AGAP1: variants seen among roughly 807,000 people sequenced by gnomAD.
AGAP1 encodes arf-GAP with GTPase, ANK repeat and PH domain-containing protein 1.
Under a neutral mutation model 105.3 loss-of-function variants are expected in AGAP1, and 29 were observed. The ratio of observed to expected loss-of-function variants is 0.28; its 90% confidence interval spans 0.21 to 0.38. The LOEUF is 0.38. Ranked by LOEUF, AGAP1 falls within the 10% of genes least tolerant of loss-of-function variation. The probability of loss-of-function intolerance (pLI) is 1.00; values close to 1 mark genes in which losing one functional copy is unlikely to be tolerated. For missense variants in AGAP1, 998 were observed against 1,165.1 expected (o/e 0.86, Z 2.09); for synonymous variants, 509 against 485.9 (o/e 1.05, Z -0.63).
intron 5 of AGAP1, among the ~76,000 whole-genome samples, chr2:235,749,858 GT>G (rs1953285874): frequency 6.6e-6 from 1 of 152,170 alleles, no homozygotes; most frequent in Non-Finnish European, 1.5e-5. Flanking sequence ...GATTGTGTCT[GT>G]TTCAACAATT....
chr2:235,816,645 C>T (rs1668060782), intron 9 of AGAP1, among the ~76,000 whole-genome samples: 1 of 152,078 alleles, frequency 6.6e-6, no homozygotes, highest in Non-Finnish European at 1.5e-5. Context: ...CATGTCAGCA[C>T]TTTGGGAGAC....
intron 1 of AGAP1, among the ~76,000 whole-genome samples, chr2:235,501,832 C>G (rs1373652531): frequency 6.6e-6 from 1 of 152,148 alleles, no homozygotes; most frequent in Non-Finnish European, 1.5e-5. Context: ...GTGATTGAGT[C>G]TGGCAAAGCG....
At chr2:235,985,901 G>A (rs1323014348) in intron 13 of AGAP1, among the ~76,000 whole-genome samples, 1 of 152,174 alleles carries the variant, frequency 6.6e-6, no homozygotes, top group African/African-American at 2.4e-5. Context: ...GTCATGTAGT[G>A]TGATGCCTCC....
chr2:235,760,911 C>G (rs1362844056), intron 6 of AGAP1, among the ~76,000 whole-genome samples: 1 of 152,220 alleles, frequency 6.6e-6, no homozygotes, highest in African/African-American at 2.4e-5. Flanking sequence ...AAAGGATTCT[C>G]TCTCAGTCTA....
intron 11 of AGAP1, among the ~76,000 whole-genome samples, chr2:235,918,302 C>T (rs1231929638): frequency 2.6e-5 from 4 of 152,218 alleles, no homozygotes; most frequent in Non-Finnish European, 5.9e-5. Flanking sequence ...TGAAATAAAA[C>T]CTCAATATCA....
rs374990579 is a variant in AGAP1, at chr2:235,668,967, G to A, written c.164-40212G>A. ...GCAGTATTCTCCTGTCTGTTGTCAT[G>A]GGGAGCAAGTGCTTACCTGTAAGGA... On this transcript the variant is annotated intron_variant, in intron 1 of 17. Transcript: ENST00000304032. Among the ~76,000 whole-genome samples, 9 of 152,174 alleles carry A rather than the reference G, an allele frequency of 5.9e-5. 1 individual carries two copies. Among genetic ancestry groups the A allele is most frequent in the African/African-American group, 2.2e-4 (9 of 41,520 alleles).
At chr2:235,669,202 T>G (rs1205981933) in intron 1 of AGAP1, among the ~76,000 whole-genome samples, 1 of 152,192 alleles carries the variant, frequency 6.6e-6, no homozygotes, top group Non-Finnish European at 1.5e-5. Flanking sequence ...GTCACATCTC[T>G]TTGTTCTTGT....
rs34157824 is a variant in AGAP1, at chr2:236,111,495, T to TA, written c.2115-8686dup. 3.5e-3 allele frequency among the ~76,000 whole-genome samples: 449 copies of TA among 128,586 alleles called. 2 individuals carry two copies. The highest frequency in any genetic ancestry group is 1.0e-2 in the African/African-American group (389 of 39,066). 84.4% of individuals were successfully genotyped at this position (128,586 alleles called of 152,430 possible). A position where few individuals can be genotyped will look rare whatever the true frequency, so the allele number is the denominator to read the frequency against. On this transcript the variant is annotated intron_variant, in intron 16 of 17. Transcript: ENST00000304032. ...TGGGCAGTATAGCAAGACCCTGTCT[T>TA]AAAAAAAAAAAGAGAGAGAAGAAGA...
Position 235,631,933 on chromosome 2 carries a change from A to G in AGAP1, c.164-77246A>G, listed in dbSNP as rs1000354361. On this transcript the variant is annotated intron_variant, in intron 1 of 17. Coordinates refer to ENST00000304032, the MANE Select transcript of AGAP1 (RefSeq NM_001037131.3). The surrounding 1 kb of genome is among the most constrained non-coding windows in gnomAD (Gnocchi z 5.4). Reference sequence around the variant, plus strand: ...TCTGCTTTTTCCATCTGTTACCTGCATGCATATATGATGGCTGGCCACCAT... The same window carrying G: ...TCTGCTTTTTCCATCTGTTACCTGCGTGCATATATGATGGCTGGCCACCAT... Among the ~76,000 whole-genome samples the G allele has an allele frequency of 6.6e-6, 1 of 152,182 alleles. No individual in the cohort carries two copies. The highest frequency in any genetic ancestry group is 1.5e-5 in the Non-Finnish European group (1 of 68,042).
rs560852601 is a variant in AGAP1, at chr2:235,591,396, C to T, written c.163+96547C>T. The stretch of plus-strand genomic sequence containing the variant: ...GTGGAGTGGGAAGCAATGTGCTGCC[C>T]GGGTCTTGGTGTGAAACGCAGTGGC... On this transcript the variant is annotated intron_variant, in intron 1 of 17. Transcript: ENST00000304032. 1.4e-3 allele frequency among the ~76,000 whole-genome samples: 208 copies of T among 152,194 alleles called. 1 individual carries two copies. Among genetic ancestry groups the T allele is most frequent in the Non-Finnish European group, 1.4e-3 (98 of 68,002 alleles).
At chr2:236,015,602 T>C (rs1362018855) in intron 13 of AGAP1, among the ~76,000 whole-genome samples, 1 of 152,112 alleles carries the variant, frequency 6.6e-6, no homozygotes, top group Non-Finnish European at 1.5e-5. Context: ...ATTACTTTGA[T>C]GCCAGGCAAG....
rs1233639504 is a variant in AGAP1, at chr2:236,044,825, T to A, written c.1891+3984T>A. ...CTGCTGTTCTGCCCTGGGGGCTTCCTGGCTCTGGTGTATCCTAGAATTTTC... is the reference window on the plus strand; with the variant it reads ...CTGCTGTTCTGCCCTGGGGGCTTCCAGGCTCTGGTGTATCCTAGAATTTTC... On this transcript the variant is annotated intron_variant, in intron 15 of 17. Transcript: ENST00000304032. The surrounding 1 kb of genome is among the most constrained non-coding windows in gnomAD (Gnocchi z 5.7). Among the ~76,000 whole-genome samples the A allele has an allele frequency of 6.6e-6, 1 of 151,724 alleles. No individual in the cohort carries two copies. Among genetic ancestry groups the A allele is most frequent in the East Asian group, 1.9e-4 (1 of 5,160 alleles).
At chr2:235,763,057 T>TGTGTGTGCGCGCGC (rs953192018) in intron 6 of AGAP1, among the ~76,000 whole-genome samples, 5 of 107,012 alleles carry the variant, frequency 4.7e-5, no homozygotes, top group South Asian at 5.0e-4. Flanking sequence ...TGTGTATGTG[T>TGTGTGTGCGCGCGC]GCGCGCGCGC....
In AGAP1 at chr2:236,090,391, C is replaced by T. The variant is rs558335675; in HGVS notation, c.2115-29801C>T. On this transcript the variant is annotated intron_variant, in intron 16 of 17. Transcript: ENST00000304032. This position sits in a 1 kb window ranked among gnomAD's most constrained non-coding sequence, Gnocchi z 4.3. ...GTTTTTGAGACGCACACTCAAGAGT[C>T]ACAAATTAGAAAATAATATTCACAT... is the stretch of plus-strand genomic sequence containing the variant. Among the ~76,000 whole-genome samples the T allele has an allele frequency of 6.6e-6, 1 of 152,308 alleles. No individual in the cohort carries two copies. Among genetic ancestry groups the T allele is most frequent in the South Asian group, 2.1e-4 (1 of 4,830 alleles).
chr2:235,990,463 C>G (rs577277595), intron 13 of AGAP1, among the ~76,000 whole-genome samples: 5 of 152,220 alleles, frequency 3.3e-5, no homozygotes, highest in Non-Finnish European at 7.3e-5. Context: ...ATCCCAGTCA[C>G]TCGTGTGTTT....
rs1383024467 is a variant in AGAP1, at chr2:235,582,568, T to A, written c.163+87719T>A. ...GCCTTGAGATTAAAGGGATGCCACA[T>A]TTTGAGCTTCTCAGATATAAAAGAA... On this transcript the variant is annotated intron_variant, in intron 1 of 17. Coordinates refer to ENST00000304032, the MANE Select transcript of AGAP1 (RefSeq NM_001037131.3). The surrounding 1 kb of genome is among the most constrained non-coding windows in gnomAD (Gnocchi z 4.7). Among the ~76,000 whole-genome samples, 2 of 152,194 alleles carry A rather than the reference T, an allele frequency of 1.3e-5. No individual in the cohort carries two copies. Among genetic ancestry groups the A allele is most frequent in the Admixed American group, 1.3e-4 (2 of 15,272 alleles).
In AGAP1 at chr2:235,517,932, CAAAAAAA is replaced by C. The variant is rs765981730; in HGVS notation, c.163+23092_163+23098del. Among the ~76,000 whole-genome samples the C allele has an allele frequency of 4.7e-5, 1 of 21,450 alleles. No homozygotes were observed. The highest frequency in any genetic ancestry group is 8.7e-5 in the Non-Finnish European group (1 of 11,526). 14.1% of individuals were successfully genotyped at this position (21,450 alleles called of 152,430 possible). On this transcript the variant is annotated intron_variant, in intron 1 of 17. Coordinates refer to ENST00000304032, the MANE Select transcript of AGAP1 (RefSeq NM_001037131.3). This position sits in a 1 kb window ranked among gnomAD's most constrained non-coding sequence, Gnocchi z 4.1. ...TGGGTGACAGAGTGAGACTCCGTTT[CAAAAAAA>C]AAAAAAAAGAAAAAAAAAAGGTAGA...
At chr2:235,646,776 T>C (rs1406860086) in intron 1 of AGAP1, among the ~76,000 whole-genome samples, 2 of 152,206 alleles carry the variant, frequency 1.3e-5, no homozygotes, top group Non-Finnish European at 2.9e-5. Flanking sequence ...GGCTGAGGCC[T>C]TCTGTACAAC....
At position 235,494,667 on chromosome 2, in the gene AGAP1, C is replaced by CGGGG; in HGVS notation, c.-20_-19insGGGG. ...CGGCGGCGGCGGGGGGCGCGCGGCT[C>CGGGG]CGGGCGCGGCGCCTGCACCATGAAC... is the stretch of plus-strand genomic sequence containing the variant. On this transcript the variant is annotated 5_prime_UTR_variant, in exon 1 of 18. Coordinates refer to ENST00000304032, the MANE Select transcript of AGAP1 (RefSeq NM_001037131.3). 1.9e-6 allele frequency: 2 copies of CGGGG among 1,071,136 alleles called. No homozygotes were observed. The highest frequency in any genetic ancestry group is 2.4e-6 in the Non-Finnish European group (2 of 830,378). The allele number at this position is 1,071,136 out of a possible 1,614,324, so 66.4% of individuals were successfully genotyped here.
Sources: allele counts gnomAD v4.1 joint callset (sites outside exome capture counted in the v4.1 genomes callset), GRCh38; gene constraint gnomAD v4.1.1; non-coding constraint Gnocchi (gnomAD v3.1); transcripts MANE v1.5; gene names NCBI Gene and HGNC (gene_info 2026-07-23, HGNC 2026-07-21).